The following YEATS4 variants were observed in gnomAD, a reference collection of about 807,000 sequenced individuals.
YEATS4 encodes YEATS domain-containing protein 4.
A neutral mutation model predicts 30.1 loss-of-function variants in YEATS4; 17 were observed. The observed-to-expected ratio is 0.56, with a 90% confidence interval of 0.39 to 0.85. The LOEUF (loss-of-function observed/expected upper bound fraction) is 0.85. YEATS4 is among the 40% of genes least tolerant of loss of function. The pLI is 0.00. For synonymous variants in YEATS4, 85 were observed against 87.5 expected, an observed-to-expected ratio of 0.97 and a Z score of 0.16; for missense variants, 142 against 268.3, an observed-to-expected ratio of 0.53 and a Z score of 3.29.
chr12:69,410,852 A>T, the YEATS4 span, among the ~76,000 whole-genome samples: 1 of 152,210 alleles, frequency 6.6e-6, no homozygotes, highest in Non-Finnish European at 1.5e-5. Flanking sequence ...CCAAACCGCC[A>T]AAGAAAATGT....
chr12:69,385,703 G>A (rs1323326818), intron 6 of YEATS4, among the ~76,000 whole-genome samples: 1 of 152,162 alleles, frequency 6.6e-6, no homozygotes, highest in Non-Finnish European at 1.5e-5. Context: ...TATATTGGAA[G>A]TTTAAGCACT....
At chr12:69,373,421 T>G (rs1322019034) in intron 6 of YEATS4, among the ~76,000 whole-genome samples, 1 of 152,254 alleles carries the variant, frequency 6.6e-6, no homozygotes, top group East Asian at 1.9e-4. Flanking sequence ...TATACCTGTT[T>G]GCCATTTGTA....
chr12:69,390,073 C>T, intron 6 of YEATS4, 74 bp from the exon 7 acceptor site: 1 of 1,185,534 alleles, frequency 8.4e-7, no homozygotes, highest in South Asian at 1.8e-5. Context: ...TCAGGAAATG[C>T]CATATTTATT....
At chr12:69,397,254 C>G in the YEATS4 span, among the ~76,000 whole-genome samples, 118 of 152,250 alleles carry the variant, frequency 7.8e-4, no homozygotes, top group African/African-American at 2.6e-3. Context: ...ACATATTGAG[C>G]CCTAACCCCT....
At chr12:69,418,035 T>G in the YEATS4 span, among the ~76,000 whole-genome samples, 1 of 152,176 alleles carries the variant, frequency 6.6e-6, no homozygotes, top group Non-Finnish European at 1.5e-5. Flanking sequence ...AAAGCTTGTG[T>G]ATTTTAGAGA....
chr12:69,419,427 G>A, the YEATS4 span, among the ~76,000 whole-genome samples: 1 of 151,820 alleles, frequency 6.6e-6, no homozygotes, highest in South Asian at 2.1e-4. Flanking sequence ...TTGTTATGTT[G>A]CCCAGGCTGG....
At chr12:69,362,682 T>C in intron 1 of YEATS4, 106 bp from the exon 2 acceptor site, 1 of 822,994 alleles carries the variant, frequency 1.2e-6, no homozygotes, top group Non-Finnish European at 1.7e-6. Context: ...AAGCAAACTA[T>C]AGATTGTTAG....
chr12:69,389,336 A>G (rs1039443234), intron 6 of YEATS4, among the ~76,000 whole-genome samples: 5 of 151,082 alleles, frequency 3.3e-5, no homozygotes, highest in Non-Finnish European at 5.9e-5. Context: ...TGTAGTCCCA[A>G]CTACTCAGGA....
intron 6 of YEATS4, among the ~76,000 whole-genome samples, chr12:69,374,169 G>A (rs11561378): frequency 0.4 from 60,148 of 150,234 alleles, 12,300 homozygotes; most frequent in Non-Finnish European, 0.46. Context: ...TGTGAAGAAT[G>A]TCATTTGTAT....
chr12:69,420,423 G>T, the YEATS4 span, among the ~76,000 whole-genome samples: 1 of 152,040 alleles, frequency 6.6e-6, no homozygotes. Flanking sequence ...GGGGGACAGA[G>T]GCAAGATGAC....
the YEATS4 span, among the ~76,000 whole-genome samples, chr12:69,397,031 G>A: frequency 3.9e-5 from 6 of 152,150 alleles, no homozygotes; most frequent in Admixed American, 1.3e-4. Flanking sequence ...ATGTAAAAGC[G>A]TGTTGAATGG....
intron 1 of YEATS4, among the ~76,000 whole-genome samples, chr12:69,361,129 C>T (rs971005747): frequency 2.6e-5 from 4 of 151,712 alleles, no homozygotes; most frequent in African/African-American, 9.7e-5. Flanking sequence ...ACCCGAGAGG[C>T]GGAAGTTGCA....
At chr12:69,374,625 A>G (rs160833) in intron 6 of YEATS4, among the ~76,000 whole-genome samples, 8,929 of 151,074 alleles carry the variant, frequency 0.059, 384 homozygotes, top group African/African-American at 0.12. Flanking sequence ...GCATCTGTTT[A>G]ACAAAGCACA....
At chr12:69,367,408 C>G (rs1875476699) in intron 4 of YEATS4, among the ~76,000 whole-genome samples, 2 of 151,986 alleles carry the variant, frequency 1.3e-5, no homozygotes, top group African/African-American at 4.8e-5. Context: ...CACTCTGCTG[C>G]CCAGGCTGGA....
chr12:69,394,238 A>G (rs749952311), downstream of YEATS4, among the ~76,000 whole-genome samples: 3 of 152,220 alleles, frequency 2.0e-5, no homozygotes, highest in Non-Finnish European at 4.4e-5. Flanking sequence ...TAATGGCACA[A>G]CTGCACAAAT....
the YEATS4 span, among the ~76,000 whole-genome samples, chr12:69,399,655 T>C: frequency 1.3e-5 from 2 of 152,182 alleles, no homozygotes; most frequent in Non-Finnish European, 2.9e-5. Context: ...CCCAGGAGAA[T>C]TGAAAACATG....
intron 6 of YEATS4, among the ~76,000 whole-genome samples, chr12:69,372,582 T>C (rs1875689844): frequency 6.9e-6 from 1 of 144,904 alleles, no homozygotes; most frequent in Admixed American, 7.2e-5. Flanking sequence ...TTGGCCTGGC[T>C]GGAGGGCAGT....
the YEATS4 span, among the ~76,000 whole-genome samples, chr12:69,408,107 C>CTA: frequency 3.3e-5 from 5 of 152,118 alleles, no homozygotes; most frequent in Admixed American, 1.3e-4. Context: ...CGGAAGAGAA[C>CTA]TATCAAGAGT....
At chr12:69,401,425 G>A in the YEATS4 span, among the ~76,000 whole-genome samples, 3 of 152,188 alleles carry the variant, frequency 2.0e-5, no homozygotes, top group African/African-American at 7.2e-5. Flanking sequence ...TGGGGAGCAT[G>A]AGTAAAGGGC....
Sources: allele counts gnomAD v4.1 joint callset (sites outside exome capture counted in the v4.1 genomes callset), GRCh38; gene constraint gnomAD v4.1.1; transcripts MANE v1.5; gene names NCBI Gene and HGNC (gene_info 2026-07-23, HGNC 2026-07-21).